Variants in OSBPL6 observed in about 807,000 individuals in gnomAD.
The protein encoded by OSBPL6 is oxysterol binding protein like 6.
Under a neutral mutation model 125.8 loss-of-function variants are expected in OSBPL6, and 49 were observed. The observed-to-expected ratio is 0.39, with a 90% CI of 0.31 to 0.49. The LOEUF (loss-of-function observed/expected upper bound fraction) is 0.49. Ranked by LOEUF, OSBPL6 falls within the 20% of genes least tolerant of loss-of-function variation. The probability of loss-of-function intolerance (pLI) is 0.88; values close to 1 mark genes in which losing one functional copy is unlikely to be tolerated. For synonymous variants in OSBPL6, 394 were observed against 391.8 expected, an observed-to-expected ratio of 1.01 and a Z score of -0.07; for missense variants, 986 against 1,135.4, an observed-to-expected ratio of 0.87 and a Z score of 1.89.
intron 1 of OSBPL6, among the ~76,000 whole-genome samples, chr2:178,241,431 T>C (rs2091288630): frequency 6.9e-6 from 1 of 145,176 alleles, no homozygotes; most frequent in Non-Finnish European, 1.5e-5. Flanking sequence ...TTTTTTTTTT[T>C]CTGAGACATG....
At chr2:178,382,915 A>C (rs1482765914) in intron 16 of OSBPL6, 109 bp from the exon 17 acceptor site, 4 of 1,486,144 alleles carry the variant, frequency 2.7e-6, no homozygotes, top group Non-Finnish European at 3.6e-6. Context: ...GATATAATGA[A>C]GACTCATGAA....
chr2:178,301,354 G>C (rs981471457), intron 2 of OSBPL6, among the ~76,000 whole-genome samples: 1 of 152,140 alleles, frequency 6.6e-6, no homozygotes, highest in African/African-American at 2.4e-5. Flanking sequence ...ATGGTTAAAT[G>C]TATTGTGGTA....
At chr2:178,260,685 T>C (rs1332083007) in intron 1 of OSBPL6, among the ~76,000 whole-genome samples, 1 of 152,246 alleles carries the variant, frequency 6.6e-6, no homozygotes, top group Non-Finnish European at 1.5e-5. Context: ...GAGCTCATGC[T>C]GATAATTCTA....
chr2:178,253,417 TG>T (rs1328633904), intron 1 of OSBPL6, among the ~76,000 whole-genome samples: 1 of 152,230 alleles, frequency 6.6e-6, no homozygotes, highest in Non-Finnish European at 1.5e-5. Context: ...TAAGTTGAGT[TG>T]ATCTTCTATG....
In OSBPL6 at chr2:178,401,142, T is replaced by C. The variant is rs951072246; in HGVS notation, c.*5583T>C. On this transcript the variant is annotated 3_prime_UTR_variant, in exon 25 of 25. Transcript: ENST00000190611. ...GTGGCGCTGAGGAAACCCTGGGAAGTGTTTTTCTCTTCTGTGTAATGAAAG... is the reference window on the plus strand; with the variant it reads ...GTGGCGCTGAGGAAACCCTGGGAAGCGTTTTTCTCTTCTGTGTAATGAAAG... 6 of 152,242 alleles carry C rather than the reference T, an allele frequency of 3.9e-5. No homozygotes were observed. Among genetic ancestry groups the C allele is most frequent in the African/African-American group, 1.4e-4 (6 of 41,458 alleles). The allele number at this position is 152,242 out of a possible 1,614,324, so 9.4% of individuals were successfully genotyped here.
chr2:178,309,504 G>A lies in OSBPL6; in HGVS notation c.102+3218G>A, dbSNP rs756713126. ...AAACAAAGAACATCTGTGCATAATA[G>A]TAATTACCTGTCCTTCCTGTCACTA... On this transcript the variant is annotated intron_variant, in intron 3 of 24. Transcript: ENST00000190611. Among the ~76,000 whole-genome samples, 3 of 152,174 alleles carry A rather than the reference G, an allele frequency of 2.0e-5. No homozygotes were observed. The East Asian group carries it at 5.8e-4, about 29-fold the overall frequency.
intron 13 of OSBPL6, among the ~76,000 whole-genome samples, chr2:178,370,531 A>T (rs1476968456): frequency 6.6e-6 from 1 of 152,122 alleles, no homozygotes; most frequent in East Asian, 1.9e-4. Flanking sequence ...TCTAATTCTA[A>T]GTGTTTGAGA....
At chr2:178,220,562 T>C (rs181277984) in intron 1 of OSBPL6, among the ~76,000 whole-genome samples, 1 of 152,290 alleles carries the variant, frequency 6.6e-6, no homozygotes, top group African/African-American at 2.4e-5. Flanking sequence ...TGCCTCAGCT[T>C]CCCAAAGTGC....
chr2:178,215,129 A>T (rs973515527), intron 1 of OSBPL6, among the ~76,000 whole-genome samples: 5 of 152,082 alleles, frequency 3.3e-5, no homozygotes, highest in Non-Finnish European at 7.4e-5. Context: ...ACAGAAACAA[A>T]AAAACCTTGG....
chr2:178,290,857 A>G (rs1685192130), intron 2 of OSBPL6, among the ~76,000 whole-genome samples: 3 of 152,172 alleles, frequency 2.0e-5, no homozygotes, highest in Non-Finnish European at 4.4e-5. Context: ...CAAAAAGAAA[A>G]AAAAAATGAT....
intron 22 of OSBPL6, among the ~76,000 whole-genome samples, chr2:178,391,943 C>T (rs901091769): frequency 1.3e-5 from 2 of 152,102 alleles, no homozygotes; most frequent in African/African-American, 2.4e-5. Flanking sequence ...TCCAGGAGCT[C>T]GGGATACGTC....
At chr2:178,346,612 A>G (rs944943351) in intron 11 of OSBPL6, among the ~76,000 whole-genome samples, 3 of 152,164 alleles carry the variant, frequency 2.0e-5, no homozygotes, top group Non-Finnish European at 4.4e-5. Context: ...GCCCAAATTG[A>G]GTGTTGAGGG....
At chr2:178,234,596 C>T (rs979022772) in intron 1 of OSBPL6, among the ~76,000 whole-genome samples, 1 of 152,192 alleles carries the variant, frequency 6.6e-6, no homozygotes, top group Non-Finnish European at 1.5e-5. Flanking sequence ...GTACAATCCA[C>T]AGAGCTTATT....
chr2:178,231,856 G>T (rs1382337788), intron 1 of OSBPL6, among the ~76,000 whole-genome samples: 2 of 151,970 alleles, frequency 1.3e-5, no homozygotes, highest in Non-Finnish European at 2.9e-5. Flanking sequence ...TAGAGATAGG[G>T]TCTGGCTACA....
chr2:178,211,933 A>G (rs1004635641), intron 1 of OSBPL6, among the ~76,000 whole-genome samples: 5 of 152,152 alleles, frequency 3.3e-5, no homozygotes, highest in Non-Finnish European at 7.4e-5. Context: ...AAGGAATAGT[A>G]TATGTTTTGA....
intron 14 of OSBPL6, among the ~76,000 whole-genome samples, chr2:178,373,672 G>C (rs1382526874): frequency 2.0e-5 from 3 of 152,112 alleles, no homozygotes; most frequent in Non-Finnish European, 2.9e-5. Context: ...TTAAAATCAA[G>C]GCACAGTACC....
intron 1 of OSBPL6, among the ~76,000 whole-genome samples, chr2:178,244,811 C>T (rs2091432553): frequency 6.6e-6 from 1 of 152,110 alleles, no homozygotes; most frequent in African/African-American, 2.4e-5. Context: ...AATGTATGAG[C>T]GAGCCCTACT....
intron 1 of OSBPL6, among the ~76,000 whole-genome samples, chr2:178,224,080 G>A (rs954570596): frequency 1.3e-5 from 2 of 152,196 alleles, no homozygotes; most frequent in East Asian, 1.9e-4. Flanking sequence ...TCTGTCCTTG[G>A]AGTAGCAGTG....
At chr2:178,392,580 G>T in intron 23 of OSBPL6, 42 bp downstream of exon 23, 1 of 1,604,402 alleles carries the variant, frequency 6.2e-7, no homozygotes, top group Non-Finnish European at 8.5e-7. Flanking sequence ...CTATGGCTGG[G>T]TGCAGTAGCT....
Sources: allele counts gnomAD v4.1 joint callset (sites outside exome capture counted in the v4.1 genomes callset), GRCh38; gene constraint gnomAD v4.1.1; transcripts MANE v1.5; gene names NCBI Gene and HGNC (gene_info 2026-07-23, HGNC 2026-07-21).